The following KLRB1 variants were observed in gnomAD, a reference collection of about 807,000 sequenced individuals.
The protein encoded by KLRB1 is killer cell lectin-like receptor subfamily B member 1.
In KLRB1, 27 loss-of-function variants were observed where a neutral mutation model predicts 33.5. The ratio of observed to expected loss-of-function variants is 0.81; its 90% CI spans 0.59 to 1.11. The LOEUF is 1.11. KLRB1 is among the 50% of genes most tolerant of loss of function. The pLI, the probability that KLRB1 is intolerant of heterozygous loss-of-function variation, is 0.00. For synonymous variants in KLRB1, 64 were observed against 88.9 expected, an observed-to-expected ratio of 0.72 and a Z score of 1.58; for missense variants, 241 against 254.1, an observed-to-expected ratio of 0.95 and a Z score of 0.35.
intron 5 of KLRB1, among the ~76,000 whole-genome samples, chr12:9,597,471 A>G (rs1298074151): frequency 6.6e-6 from 1 of 152,148 alleles, no homozygotes; most frequent in Non-Finnish European, 1.5e-5. Context: ...TACACAAGAC[A>G]AAAGCATGTC....
intron 1 of KLRB1, among the ~76,000 whole-genome samples, chr12:9,603,329 C>G (rs896941159): frequency 1.5e-4 from 23 of 152,280 alleles, no homozygotes; most frequent in African/African-American, 5.1e-4. Flanking sequence ...CTTTCTGTCT[C>G]TTCTCTTCCC....
chr12:9,602,739 T>C (rs1864558710), intron 1 of KLRB1, among the ~76,000 whole-genome samples: 1 of 152,202 alleles, frequency 6.6e-6, no homozygotes, highest in Non-Finnish European at 1.5e-5. Flanking sequence ...TTTTATTTTT[T>C]CTAATATTAT....
At chr12:9,606,761 T>TATATA (rs1491174451) in intron 1 of KLRB1, among the ~76,000 whole-genome samples, 2,114 of 23,518 alleles carry the variant, frequency 0.09, 142 homozygotes, top group Middle Eastern at 0.12. Context: ...TATATATATA[T>TATATA]TTTTTTTTTT....
rs1864621978 is a variant in KLRB1, at chr12:9,607,335, C to CCTTCCTTCCTTCCTTTCTTT, written c.85+419_85+420insAAAGAAAGGAAGGAAGGAAG. Among the ~76,000 whole-genome samples, 67 of 65,256 alleles carry CCTTCCTTCCTTCCTTTCTTT rather than the reference C, an allele frequency of 1.0e-3. 1 individual carries two copies. Among genetic ancestry groups the CCTTCCTTCCTTCCTTTCTTT allele is most frequent in the East Asian group, 6.3e-3 (10 of 1,586 alleles). 42.8% of individuals were successfully genotyped at this position (65,256 alleles called of 152,430 possible). A position where few individuals can be genotyped will look rare whatever the true frequency, so the allele number is the denominator to read the frequency against. On this transcript the variant is annotated intron_variant, in intron 1 of 5. Transcript: ENST00000229402. The stretch of plus-strand genomic sequence containing the variant: ...TTTCTTCTTTTCTTTCTCTTTCTTT[C>CCTTCCTTCCTTCCTTTCTTT]CTTTCTTTCTTTCTTTCTTCCTTTC...
chr12:9,607,335 C>CCTTCCTTTCTTCCTTTCTTT (rs1864621978), intron 1 of KLRB1, among the ~76,000 whole-genome samples: 1 of 65,170 alleles, frequency 1.5e-5, no homozygotes, highest in African/African-American at 4.2e-5. Context: ...CTCTTTCTTT[C>CCTTCCTTTCTTCCTTTCTTT]CTTTCTTTCT....
rs754201708 is a variant in KLRB1, at chr12:9,596,502, T to TA, written c.531-1082dup. ...TCCTGTAGCCCCCAAAATAATCCTG[T>TA]AAAAAAATTATGATTCTTCCCTTTC... On this transcript the variant is annotated intron_variant, in intron 5 of 5. Coordinates refer to ENST00000229402, the MANE Select transcript of KLRB1 (RefSeq NM_002258.3). Among the ~76,000 whole-genome samples the TA allele has an allele frequency of 3.3e-3, 509 of 152,244 alleles. 2 individuals carry two copies. Among genetic ancestry groups the TA allele is most frequent in the Non-Finnish European group, 3.5e-3 (238 of 68,008 alleles).
chr12:9,602,078 T>C (rs1352297532), intron 1 of KLRB1, among the ~76,000 whole-genome samples: 1 of 152,196 alleles, frequency 6.6e-6, no homozygotes, highest in East Asian at 1.9e-4. Context: ...TTCTTGGACA[T>C]GGAATCCTCT....
rs113923007 is a variant in KLRB1, at chr12:9,595,174, G to A, written c.*100C>T. On this transcript the variant is annotated 3_prime_UTR_variant, in exon 6 of 6. Transcript: ENST00000229402. Reference sequence around the variant, plus strand: ...CAATTCTCAGAATTGTTCACTTTGTGCCACTAAATGTGGCACTATTAGGTA... The same window carrying A: ...CAATTCTCAGAATTGTTCACTTTGTACCACTAAATGTGGCACTATTAGGTA... 1.1e-6 allele frequency: 1 copy of A among 942,790 alleles called. No homozygotes were observed. The highest frequency in any genetic ancestry group is 1.7e-5 in the African/African-American group (1 of 60,452). The allele number at this position is 942,790 out of a possible 1,614,324, so 58.4% of individuals were successfully genotyped here.
chr12:9,602,423 AAG>A (rs1441151894), intron 1 of KLRB1, among the ~76,000 whole-genome samples: 6 of 152,086 alleles, frequency 3.9e-5, no homozygotes, highest in Non-Finnish European at 5.9e-5. Flanking sequence ...AAAAAAAATA[AAG>A]AGAGATTTAT....
chr12:9,603,474 C>T (rs1864566007), intron 1 of KLRB1, among the ~76,000 whole-genome samples: 1 of 151,918 alleles, frequency 6.6e-6, no homozygotes, highest in African/African-American at 2.4e-5. Flanking sequence ...TCTTGTTGCC[C>T]AGGCTCATGG....
chr12:9,606,756 A>T (rs1483688804), intron 1 of KLRB1, among the ~76,000 whole-genome samples: 4,393 of 31,382 alleles, frequency 0.14, 433 homozygotes, highest in East Asian at 0.31. Flanking sequence ...ATATATATAT[A>T]TATATTTTTT....
intron 1 of KLRB1, among the ~76,000 whole-genome samples, chr12:9,604,981 C>T (rs1241068866): frequency 1.3e-5 from 2 of 152,064 alleles, no homozygotes. Context: ...AGTGCTATCC[C>T]TTCTCCCTAC....
At chr12:9,605,980 T>C (rs748520690) in intron 1 of KLRB1, among the ~76,000 whole-genome samples, 1 of 152,026 alleles carries the variant, frequency 6.6e-6, no homozygotes, top group East Asian at 1.9e-4. Context: ...TTGCTAGATA[T>C]GAATAGAGGA....
intron 5 of KLRB1, 121 bp from the exon 6 acceptor site, chr12:9,595,542 G>A: frequency 1.2e-6 from 1 of 868,342 alleles, no homozygotes; most frequent in Non-Finnish European, 1.8e-6. Context: ...AAACAAAGAA[G>A]GCACACGGTC....
chr12:9,606,551 A>C (rs1448215647), intron 1 of KLRB1: 1 of 151,312 alleles, frequency 6.6e-6, no homozygotes, highest in Non-Finnish European at 1.5e-5. Flanking sequence ...TCAGGTAGTA[A>C]TGATATTCAA....
rs1864641523 is a variant in KLRB1 at position 9,607,813 on chromosome 12, C to G, written c.27G>C (p.Glu9Asp). 6.2e-7 allele frequency: 1 copy of G among 1,613,644 alleles called. No individual in the cohort carries two copies. Among genetic ancestry groups the G allele is most frequent in the East Asian group, 2.2e-5 (1 of 44,858 alleles). MDQQAIYA[E>D]LNLPTDSGPE... ...GGCCTGAGTCTGTGGGTAAGTTTAA[C>G]TCAGCATATATTGCTTGTTGGTCCA... The change falls in exon 1 of 6, where the codon GAG becomes GAC. Residue 9 changes from glutamate (E) to aspartate (D), a missense_variant. Transcript: ENST00000229402.
chr12:9,606,758 A>ATTTTTTTTTTTTTTTTTTT (rs1285915836), intron 1 of KLRB1, among the ~76,000 whole-genome samples: 1 of 65,908 alleles, frequency 1.5e-5, no homozygotes, highest in African/African-American at 9.2e-5. Flanking sequence ...ATATATATAT[A>ATTTTTTTTTTTTTTTTTTT]TATTTTTTTT....
intron 1 of KLRB1, among the ~76,000 whole-genome samples, chr12:9,603,586 G>A (rs527385564): frequency 7.2e-5 from 9 of 124,618 alleles, no homozygotes; most frequent in East Asian, 2.4e-4. Flanking sequence ...CACCATGCCC[G>A]GCTAATTTTG....
chr12:9,599,711 A>C, intron 3 of KLRB1, 56 bp downstream of exon 3: 1 of 1,062,758 alleles, frequency 9.4e-7, no homozygotes, highest in East Asian at 2.4e-5. Flanking sequence ...AAGGTAACAC[A>C]TGAAATCTAC....
Sources: allele counts gnomAD v4.1 joint callset (sites outside exome capture counted in the v4.1 genomes callset), GRCh38; gene constraint gnomAD v4.1.1; transcripts MANE v1.5; gene names NCBI Gene and HGNC (gene_info 2026-07-23, HGNC 2026-07-21).